Variants in FBXW2 observed in about 807,000 individuals in gnomAD.
FBXW2 encodes the protein F-box and WD repeat domain containing 2.
FBXW2 carries 12 observed loss-of-function variants against 46.0 expected under a neutral mutation model. That is an observed-to-expected ratio of 0.26 (90% CI 0.17 to 0.42). The LOEUF (loss-of-function observed/expected upper bound fraction) is 0.42. Ranked by LOEUF, FBXW2 falls within the 10% of genes least tolerant of loss-of-function variation. The pLI, the probability that FBXW2 is intolerant of heterozygous loss-of-function variation, is 1.00. For synonymous variants in FBXW2, 203 were observed against 209.6 expected (o/e 0.97, Z 0.27); for missense variants, 360 against 537.0 (o/e 0.67, Z 3.26).
In FBXW2 at chr9:120,757,558, C is replaced by G. The variant is rs2044145296; in HGVS notation, c.*7001G>C. 6.6e-6 allele frequency: 1 copy of G among 152,066 alleles called. No individual in the cohort carries two copies. Among genetic ancestry groups the G allele is most frequent in the African/African-American group, 2.4e-5 (1 of 41,394 alleles). 9.4% of individuals were successfully genotyped at this position (152,066 alleles called of 1,614,324 possible). A position where few individuals can be genotyped will look rare whatever the true frequency, so the allele number is the denominator to read the frequency against. ...AAAATATTATGGTAGTTGTAAAAAC[C>G]TAAAGCACATTTTTGAGAATGTATT... is the stretch of plus-strand genomic sequence containing the variant. On this transcript the variant is annotated 3_prime_UTR_variant, in exon 8 of 8. Transcript: ENST00000608872.
At position 120,759,876 on chromosome 9, in the gene FBXW2, G is replaced by A. The variant is rs138480685; in HGVS notation, c.*4683C>T. On this transcript the variant is annotated 3_prime_UTR_variant, in exon 8 of 8. Coordinates refer to ENST00000608872, the MANE Select transcript of FBXW2 (RefSeq NM_012164.4). ...CATCCTAACAGCAAAACAGCTTTTTGCACTGAGCGTGACCATTCAGTCTGA... is the reference window on the plus strand; with the variant it reads ...CATCCTAACAGCAAAACAGCTTTTTACACTGAGCGTGACCATTCAGTCTGA... 1,120 of 152,280 alleles carry A rather than the reference G, an allele frequency of 7.4e-3. 16 individuals are homozygous for A. The highest frequency in any genetic ancestry group is 0.032 in the South Asian group (156 of 4,826). 9.4% of individuals were successfully genotyped at this position (152,280 alleles called of 1,614,324 possible). A position where few individuals can be genotyped will look rare whatever the true frequency, so the allele number is the denominator to read the frequency against.
intron 5 of FBXW2, 144 bp downstream of exon 5, chr9:120,775,949 G>T: frequency 1.1e-6 from 1 of 915,616 alleles, no homozygotes; most frequent in Non-Finnish European, 1.6e-6. Flanking sequence ...CTACTTGCTG[G>T]TCACTGTTGT....
In FBXW2 at chr9:120,762,716, AC is replaced by A. The variant is rs2044215265; in HGVS notation, c.*1842del. The stretch of plus-strand genomic sequence containing the variant: ...CACATCATTCTCAGCTCTGCCAGCA[AC>A]CCTTTTTCTCACCTGTAAAATGGAT... On this transcript the variant is annotated 3_prime_UTR_variant, in exon 8 of 8. Transcript: ENST00000608872. 1.3e-5 allele frequency: 2 copies of A among 152,346 alleles called. No individual in the cohort carries two copies. The highest frequency in any genetic ancestry group is 4.1e-4 in the South Asian group (2 of 4,828). The allele number at this position is 152,346 out of a possible 1,614,324, so 9.4% of individuals were successfully genotyped here.
In FBXW2 at chr9:120,776,075, T is replaced by A. The variant is rs1284784887; in HGVS notation, c.819+18A>T. 1.9e-6 allele frequency: 3 copies of A among 1,612,634 alleles called. No homozygotes were observed. The highest frequency in any genetic ancestry group is 2.5e-6 in the Non-Finnish European group (3 of 1,179,496). Reference sequence around the variant, plus strand: ...CAAAAAGCCTGATAAGCAGGAGACTTCTTCCAAGTCTTCCTACCTTGGTGA... The same window carrying A: ...CAAAAAGCCTGATAAGCAGGAGACTACTTCCAAGTCTTCCTACCTTGGTGA... On this transcript the variant is annotated intron_variant, in intron 5 of 7. Coordinates refer to ENST00000608872, the MANE Select transcript of FBXW2 (RefSeq NM_012164.4).
intron 3 of FBXW2, among the ~76,000 whole-genome samples, chr9:120,783,015 A>G (rs1223825194): frequency 1.3e-5 from 2 of 152,202 alleles, no homozygotes; most frequent in African/African-American, 2.4e-5. Context: ...TGACTGCACA[A>G]CAACGTAATG....
Position 120,793,370 on chromosome 9 carries a change from T to C in FBXW2, c.-146A>G, listed in dbSNP as rs889238179. On this transcript the variant is annotated 5_prime_UTR_variant, in exon 1 of 8. Coordinates refer to ENST00000608872, the MANE Select transcript of FBXW2 (RefSeq NM_012164.4). ...CATACAGACCCGGACCTGCGGCCGC[T>C]GCTCCCGGTCCGCAGCCTCACAGGG... 5.0e-6 allele frequency: 2 copies of C among 400,732 alleles called. No homozygotes were observed. The highest frequency in any genetic ancestry group is 1.2e-4 in the South Asian group (1 of 8,352). 24.8% of individuals were successfully genotyped at this position (400,732 alleles called of 1,614,324 possible). A position where few individuals can be genotyped will look rare whatever the true frequency, so the allele number is the denominator to read the frequency against.
In FBXW2 at chr9:120,762,076, A is replaced by G. The variant is rs1486079957; in HGVS notation, c.*2483T>C. 1 of 152,384 alleles carries G rather than the reference A, an allele frequency of 6.6e-6. No homozygotes were observed. Among genetic ancestry groups the G allele is most frequent in the Non-Finnish European group, 1.5e-5 (1 of 68,168 alleles). 9.4% of individuals were successfully genotyped at this position (152,384 alleles called of 1,614,324 possible). On this transcript the variant is annotated 3_prime_UTR_variant, in exon 8 of 8. Transcript: ENST00000608872. ...AAAACTCGGCCAGGCGTGGTGGCTC[A>G]CGCCTGTAATCCCAGCACTTTGGGA... is the stretch of plus-strand genomic sequence containing the variant.
chr9:120,772,652 C>A, intron 6 of FBXW2, 102 bp downstream of exon 6: 1 of 704,706 alleles, frequency 1.4e-6, no homozygotes, highest in Non-Finnish European at 2.3e-6. Flanking sequence ...AGACACTCCC[C>A]CTCCTCTTCC....
At position 120,758,060 on chromosome 9, in the gene FBXW2, G is replaced by C. The variant is rs778675215; in HGVS notation, c.*6499C>G. 57 of 152,250 alleles carry C rather than the reference G, an allele frequency of 3.7e-4. No homozygotes were observed. The highest frequency in any genetic ancestry group is 1.2e-3 in the African/African-American group (51 of 41,546). The allele number at this position is 152,250 out of a possible 1,614,324, so 9.4% of individuals were successfully genotyped here. ...TCTTACAATGTTGCTGGGGAAACCA[G>C]GTATTCACTTGTATTTTGGAAAAAA... On this transcript the variant is annotated 3_prime_UTR_variant, in exon 8 of 8. Transcript: ENST00000608872.
chr9:120,780,193 A>T (rs968267289), intron 3 of FBXW2, among the ~76,000 whole-genome samples: 3 of 150,860 alleles, frequency 2.0e-5, no homozygotes, highest in Non-Finnish European at 3.0e-5. Context: ...TGTCTCCACT[A>T]AAAAAAATAC....
Position 120,759,132 on chromosome 9 carries a change from A to G in FBXW2, c.*5427T>C, listed in dbSNP as rs1457655106. The G allele has an allele frequency of 6.6e-6, 1 of 152,200 alleles. No homozygotes were observed. Among genetic ancestry groups the G allele is most frequent in the Admixed American group, 6.5e-5 (1 of 15,272 alleles). 9.4% of individuals were successfully genotyped at this position (152,200 alleles called of 1,614,324 possible). On this transcript the variant is annotated 3_prime_UTR_variant, in exon 8 of 8. Coordinates refer to ENST00000608872, the MANE Select transcript of FBXW2 (RefSeq NM_012164.4). ...ACACTGACTTTTGAAAAGTCCCTGC[A>G]TTGGTTGGATAAAATGTCTGAAGTG...
In FBXW2 at chr9:120,761,969, A is replaced by G. The variant is rs1174475000; in HGVS notation, c.*2590T>C. 2 of 152,240 alleles carry G rather than the reference A, an allele frequency of 1.3e-5. No individual in the cohort carries two copies. Among genetic ancestry groups the G allele is most frequent in the East Asian group, 3.8e-4 (2 of 5,198 alleles). 9.4% of individuals were successfully genotyped at this position (152,240 alleles called of 1,614,324 possible). On this transcript the variant is annotated 3_prime_UTR_variant, in exon 8 of 8. Coordinates refer to ENST00000608872, the MANE Select transcript of FBXW2 (RefSeq NM_012164.4). ...TTATAATTACTTGCCCTTTGAAGCT[A>G]TTGGATAGATCTGAAAGTGAGGTAG...
rs755843718 is a variant in FBXW2, at chr9:120,772,742, A to G, written c.906+12T>C. The G allele has an allele frequency of 9.8e-6, 15 of 1,532,358 alleles. No homozygotes were observed. The highest frequency in any genetic ancestry group is 4.9e-5 in the East Asian group (2 of 41,160). The allele number at this position is 1,532,358 out of a possible 1,614,324, so 94.9% of individuals were successfully genotyped here. On this transcript the variant is annotated intron_variant, in intron 6 of 7. Transcript: ENST00000608872. ...TCTTTAATGAAGCAAATTAATGGAG[A>G]AAAAAACTCACCTTAATCTCATATT...
In FBXW2 at chr9:120,776,155, A is replaced by G. The variant is rs2044491315; in HGVS notation, c.757T>C (p.Trp253Arg). 6.2e-7 allele frequency: 1 copy of G among 1,614,122 alleles called. No homozygotes were observed. Among genetic ancestry groups the G allele is most frequent in the Non-Finnish European group, 8.5e-7 (1 of 1,180,056 alleles). Residue 253 changes from tryptophan to arginine, a missense_variant, in exon 5 of 8, where the codon TGG becomes CGG. By Grantham distance (101) the Trp-to-Arg change is moderately radical. Coordinates refer to ENST00000608872, the MANE Select transcript of FBXW2 (RefSeq NM_012164.4). ...SGSADFTVKV[W>R]ALSAGTCLNT... Reference sequence around the variant, plus strand: ...AGGCATGTCCCAGCAGATAAAGCCCATACTTTCACAGTGAAGTCTGCAGAG... The same window carrying G: ...AGGCATGTCCCAGCAGATAAAGCCCGTACTTTCACAGTGAAGTCTGCAGAG...
Position 120,776,197 on chromosome 9 carries a change from C to T in FBXW2, c.715G>A (p.Asp239Asn). The change falls in exon 5 of 8, where the codon GAT becomes AAT. Residue 239 changes from aspartate to asparagine, a missense_variant. Coordinates refer to ENST00000608872, the MANE Select transcript of FBXW2 (RefSeq NM_012164.4). ...VFSVDYNDELDILVSGSADFT... is the reference protein window; with the variant it reads ...VFSVDYNDELNILVSGSADFT... ...TCTGCAGAGCCGCTCACCAAGATATCCAGTTCATCATTGTAGTCCACGCTA... is the reference window on the plus strand; with the variant it reads ...TCTGCAGAGCCGCTCACCAAGATATTCAGTTCATCATTGTAGTCCACGCTA... The T allele has an allele frequency of 6.2e-7, 1 of 1,614,064 alleles. No homozygotes were observed. The highest frequency in any genetic ancestry group is 8.5e-7 in the Non-Finnish European group (1 of 1,180,014).
chr9:120,778,354 C>A lies in FBXW2; in HGVS notation c.682G>T (p.Ala228Ser). Residue 228 changes from alanine (A) to serine (S), a missense_variant, in exon 4 of 8, where the codon GCG becomes TCG. Transcript: ENST00000608872. ...RTQHFRGHTGAVFSVDYNDEL... is the reference protein window; with the variant it reads ...RTQHFRGHTGSVFSVDYNDEL... ...CCCTTGAAAAAGGGCAACCCACCCGCCCCCGTGTGCCCCCGAAAGTGCTGG... is the reference window on the plus strand; with the variant it reads ...CCCTTGAAAAAGGGCAACCCACCCGACCCCGTGTGCCCCCGAAAGTGCTGG... The A allele has an allele frequency of 6.2e-7, 1 of 1,611,812 alleles. No individual in the cohort carries two copies. Among genetic ancestry groups the A allele is most frequent in the Non-Finnish European group, 8.5e-7 (1 of 1,179,286 alleles).
chr9:120,771,619 T>A, intron 6 of FBXW2, 102 bp from the exon 7 acceptor site: 1 of 1,036,358 alleles, frequency 9.6e-7, no homozygotes, highest in African/African-American at 1.6e-5. Context: ...GAAAGTGAAG[T>A]ATACTGGAAA....
chr9:120,790,890 A>G (rs2044825361), intron 2 of FBXW2, among the ~76,000 whole-genome samples: 1 of 152,194 alleles, frequency 6.6e-6, no homozygotes, highest in Non-Finnish European at 1.5e-5. Flanking sequence ...TTTTTCAGAG[A>G]GCACATCTAA....
intron 2 of FBXW2, among the ~76,000 whole-genome samples, chr9:120,790,195 C>G (rs2044806165): frequency 6.6e-6 from 1 of 152,182 alleles, no homozygotes; most frequent in Non-Finnish European, 1.5e-5. Flanking sequence ...AAACACACAC[C>G]AGGCTGGGCA....
Sources: gnomAD v4.1 joint callset for allele counts (sites outside exome capture counted in the v4.1 genomes callset) on GRCh38, gnomAD v4.1.1 for gene constraint, MANE v1.5 for transcripts, NCBI Gene and HGNC (gene_info 2026-07-23, HGNC 2026-07-21) for gene names.